The following NALF1 variants were observed in gnomAD, a reference collection of about 807,000 sequenced individuals.
NALF1 encodes family with sequence similarity 155 member A.
NALF1 carries 3 observed loss-of-function variants against 48.4 expected under a neutral mutation model. The observed-to-expected ratio is 0.06, with a 90% CI of 0.03 to 0.16. The LOEUF is 0.16. Ranked by LOEUF, NALF1 falls within the 10% of genes least tolerant of loss-of-function variation. NALF1 has a pLI of 1.00. For missense variants in NALF1, 526 were observed against 571.5 expected, an observed-to-expected ratio of 0.92 and a Z score of 0.81; for synonymous variants, 262 against 245.7, an observed-to-expected ratio of 1.07 and a Z score of -0.62.
intron 1 of NALF1, among the ~76,000 whole-genome samples, chr13:107,219,980 A>G (rs1237709828): frequency 6.6e-6 from 1 of 152,228 alleles, no homozygotes; most frequent in Non-Finnish European, 1.5e-5. Flanking sequence ...TGTATCTAAA[A>G]GTTTTACTTC....
intron 1 of NALF1, among the ~76,000 whole-genome samples, chr13:107,694,158 C>T (rs1417907): frequency 0.6 from 91,372 of 152,014 alleles, 28,065 homozygotes; most frequent in Non-Finnish European, 0.67. Context: ...GTTTTACAAA[C>T]AGCTGTTAAA....
At chr13:107,252,220 A>C (rs898942688) in intron 1 of NALF1, among the ~76,000 whole-genome samples, 2 of 152,146 alleles carry the variant, frequency 1.3e-5, no homozygotes, top group African/African-American at 2.4e-5. Context: ...AGTTTGTCAC[A>C]GTTTGCTGGA....
chr13:107,666,504 C>T (rs1002205452), intron 1 of NALF1, among the ~76,000 whole-genome samples: 3 of 152,052 alleles, frequency 2.0e-5, no homozygotes, highest in Non-Finnish European at 2.9e-5. Flanking sequence ...TAGGTGCCAC[C>T]GTTTTGGCAC....
At chr13:107,322,765 A>C (rs1292044136) in intron 1 of NALF1, among the ~76,000 whole-genome samples, 1 of 152,160 alleles carries the variant, frequency 6.6e-6, no homozygotes, top group Non-Finnish European at 1.5e-5. Context: ...ACAATTCTGT[A>C]AGGAAGGAGA....
At chr13:107,523,246 C>G (rs1031127825) in intron 1 of NALF1, among the ~76,000 whole-genome samples, 2 of 152,140 alleles carry the variant, frequency 1.3e-5, no homozygotes, top group African/African-American at 4.8e-5. Flanking sequence ...CAAAACATTG[C>G]CATCAAACAT....
intron 1 of NALF1, among the ~76,000 whole-genome samples, chr13:107,646,323 C>A (rs532135561): frequency 5.4e-5 from 8 of 149,334 alleles, no homozygotes; most frequent in Non-Finnish European, 1.2e-4. Context: ...ATGGTGTAGA[C>A]AGGTAAAAAC....
intron 1 of NALF1, among the ~76,000 whole-genome samples, chr13:107,593,713 C>T (rs991373171): frequency 2.0e-5 from 3 of 151,388 alleles, no homozygotes; most frequent in African/African-American, 7.3e-5. Flanking sequence ...CATGAATCCT[C>T]GAGTAATAAT....
intron 1 of NALF1, among the ~76,000 whole-genome samples, chr13:107,597,590 C>G (rs1228701005): frequency 6.6e-6 from 1 of 151,818 alleles, no homozygotes; most frequent in Non-Finnish European, 1.5e-5. Context: ...ATAAAGGGTA[C>G]TGAATTGTGT....
chr13:107,254,454 G>A (rs1292685371), intron 1 of NALF1, among the ~76,000 whole-genome samples: 1 of 152,168 alleles, frequency 6.6e-6, no homozygotes, highest in African/African-American at 2.4e-5. Context: ...GGGGATAGAG[G>A]AAGGAAAGTA....
At chr13:107,348,199 C>T (rs1249579926) in intron 1 of NALF1, among the ~76,000 whole-genome samples, 1 of 152,152 alleles carries the variant, frequency 6.6e-6, no homozygotes, top group Non-Finnish European at 1.5e-5. Flanking sequence ...ATTGAGCAAT[C>T]AGAGGCATTT....
At chr13:107,632,171 A>C (rs2138449474) in intron 1 of NALF1, among the ~76,000 whole-genome samples, 1 of 152,344 alleles carries the variant, frequency 6.6e-6, no homozygotes, top group South Asian at 2.1e-4. Context: ...ATAGGATATC[A>C]GCATTTTAAA....
chr13:107,862,571 A>G (rs1052292024), intron 1 of NALF1, among the ~76,000 whole-genome samples: 3 of 152,048 alleles, frequency 2.0e-5, no homozygotes, highest in Non-Finnish European at 4.4e-5. Flanking sequence ...TTTATCCATA[A>G]ATAATTTCCC....
chr13:107,765,246 C>T (rs923347500), intron 1 of NALF1, among the ~76,000 whole-genome samples: 11 of 152,128 alleles, frequency 7.2e-5, no homozygotes, highest in Non-Finnish European at 1.6e-4. Context: ...TTGCAATTTA[C>T]AGATTTTTCA....
intron 1 of NALF1, among the ~76,000 whole-genome samples, chr13:107,598,527 T>C (rs551155530): frequency 6.6e-6 from 1 of 152,288 alleles, no homozygotes; most frequent in Non-Finnish European, 1.5e-5. Flanking sequence ...AATGTGCATA[T>C]CAAATTTAAT....
At chr13:107,604,145 T>C (rs956379371) in intron 1 of NALF1, among the ~76,000 whole-genome samples, 3 of 152,176 alleles carry the variant, frequency 2.0e-5, no homozygotes, top group Admixed American at 6.5e-5. Context: ...TCCTCCCCCA[T>C]TTTCTAAGTC....
chr13:107,324,017 G>A (rs908003832), intron 1 of NALF1, among the ~76,000 whole-genome samples: 1 of 152,136 alleles, frequency 6.6e-6, no homozygotes, highest in Admixed American at 6.6e-5. Flanking sequence ...GCTGAGGCAG[G>A]AGGATCCCTT....
chr13:107,798,507 T>G (rs1358322301), intron 1 of NALF1, among the ~76,000 whole-genome samples: 4 of 152,214 alleles, frequency 2.6e-5, no homozygotes, highest in Non-Finnish European at 5.9e-5. Flanking sequence ...ATCAATCTCT[T>G]CTTTCTTTCC....
intron 1 of NALF1, among the ~76,000 whole-genome samples, chr13:107,358,290 G>C (rs1264343758): frequency 6.6e-6 from 1 of 152,080 alleles, no homozygotes; most frequent in African/African-American, 2.4e-5. Context: ...ATTACCTTTA[G>C]AAAATTACCC....
intron 1 of NALF1, among the ~76,000 whole-genome samples, chr13:107,682,546 A>G (rs1251603981): frequency 3.3e-5 from 5 of 150,238 alleles, no homozygotes; most frequent in Admixed American, 6.6e-5. Context: ...GGCCCCCGGG[A>G]CCTCCCACTC....
Sources: allele counts gnomAD v4.1 joint callset (sites outside exome capture counted in the v4.1 genomes callset), GRCh38; gene constraint gnomAD v4.1.1; transcripts MANE v1.5; gene names NCBI Gene and HGNC (gene_info 2026-07-23, HGNC 2026-07-21).